Variants in BRCA1 observed in about 807,000 individuals in gnomAD.
BRCA1 encodes the protein BRCA1 DNA repair associated, also known as breast cancer type 1 susceptibility protein.
Under a neutral mutation model 173.7 loss-of-function variants are expected in BRCA1, and 140 were observed. That is an observed-to-expected ratio of 0.81 (90% confidence interval 0.70 to 0.93). BRCA1 has a LOEUF of 0.93. BRCA1 is among the 40% of genes least tolerant of loss of function. The pLI, the probability that BRCA1 is intolerant of heterozygous loss-of-function variation, is 0.00. For synonymous variants in BRCA1, 662 were observed against 756.0 expected, an observed-to-expected ratio of 0.88 and a Z score of 2.04; for missense variants, 1,983 against 2,172.5, an observed-to-expected ratio of 0.91 and a Z score of 1.73.
intron 1 of BRCA1, among the ~76,000 whole-genome samples, chr17:43,154,189 A>G (rs1261745232): frequency 6.6e-6 from 1 of 151,994 alleles, no homozygotes. Flanking sequence ...CTCTGTCTCA[A>G]TAAAAAGAAA....
rs80357877 is a variant in BRCA1, at chr17:43,092,039, ACTAGTATCTTC to A, written c.3481_3491del (p.Glu1161PhefsTer3). On this transcript the variant is annotated frameshift_variant, in exon 10 of 23. Coordinates refer to ENST00000357654, the MANE Select transcript of BRCA1 (RefSeq NM_007294.4). LOFTEE classifies it high-confidence loss of function. Reference sequence around the variant, plus strand: ...TTTCCTTAATGTCATTTTCAGCAAAACTAGTATCTTCCTTTATTTCACCATCATCTAACAGG... The same window carrying A: ...TTTCCTTAATGTCATTTTCAGCAAAACTTTATTTCACCATCATCTAACAGG... 3 of 1,614,054 alleles carry A rather than the reference ACTAGTATCTTC, an allele frequency of 1.9e-6. No homozygotes were observed. Among genetic ancestry groups the A allele is most frequent in the Non-Finnish European group, 2.5e-6 (3 of 1,180,020 alleles).
At chr17:43,109,029 T>C (rs115747310) in intron 3 of BRCA1, among the ~76,000 whole-genome samples, 229 of 152,190 alleles carry the variant, frequency 1.5e-3, no homozygotes, top group African/African-American at 5.3e-3. Context: ...AAACCCCAAC[T>C]ATATCTATAT....
intron 19 of BRCA1, among the ~76,000 whole-genome samples, chr17:43,056,839 C>A (rs1443962763): frequency 5.9e-5 from 9 of 152,196 alleles, no homozygotes; most frequent in Admixed American, 5.2e-4. Context: ...CACAGCCTCT[C>A]TAAATCTCTT....
Position 43,063,948 on chromosome 17 carries a change from G to C in BRCA1, c.5078C>G (p.Ala1693Gly), listed in dbSNP as rs1567769586. Residue 1693 changes from alanine to glycine, a missense_variant, in exon 17 of 23, where the codon GCT becomes GGT. By Grantham distance (60) the Ala-to-Gly change is moderately conservative. Transcript: ENST00000357654. ...ETTHVVMKTD[A>G]EFVCERTLKY... ...CAGTGTCCGTTCACACACAAACTCA[G>C]CATCTGCAGAATGAAAAACACTCAA... The C allele has an allele frequency of 6.2e-7, 1 of 1,613,916 alleles. No homozygotes were observed. Among genetic ancestry groups the C allele is most frequent in the Non-Finnish European group, 8.5e-7 (1 of 1,179,880 alleles).
At position 43,082,534 on chromosome 17, in the gene BRCA1, C is replaced by G. The variant is rs786201618; in HGVS notation, c.4227G>C (p.Gln1409His). 1 of 1,614,202 alleles carries G rather than the reference C, an allele frequency of 6.2e-7. No individual in the cohort carries two copies. Among genetic ancestry groups the G allele is most frequent in the East Asian group, 2.2e-5 (1 of 44,888 alleles). The change falls in exon 12 of 23, where the codon CAG becomes CAC. Residue 1409 changes from glutamine to histidine, a missense_variant. Transcript: ENST00000357654. ...TMQHNLIKLQ[Q>H]EMAELEAVLE... ...ACACAGCTTCTAGTTCAGCCATTTCCTGCTGGAGCTTTATCAGGTTATGTT... is the reference window on the plus strand; with the variant it reads ...ACACAGCTTCTAGTTCAGCCATTTCGTGCTGGAGCTTTATCAGGTTATGTT...
At chr17:43,132,946 G>C (rs1425685605) in intron 1 of BRCA1, 1 of 150,482 alleles carries the variant, frequency 6.6e-6, no homozygotes, top group Non-Finnish European at 1.5e-5. Context: ...TTTTTTCTTT[G>C]TATTTTTAGT....
rs8176217 is a variant in BRCA1 at position 43,073,750 on chromosome 17, A to G, written c.4675+581T>C. ...CAGTTGAAATAAAATATATGTGTGTATATATATATATATATATTTTTTGAG... is the reference window on the plus strand; with the variant it reads ...CAGTTGAAATAAAATATATGTGTGTGTATATATATATATATATTTTTTGAG... On this transcript the variant is annotated intron_variant, in intron 14 of 22. Coordinates refer to ENST00000357654, the MANE Select transcript of BRCA1 (RefSeq NM_007294.4). 0.029 allele frequency among the ~76,000 whole-genome samples: 4,406 copies of G among 149,792 alleles called. 217 individuals are homozygous for G. The highest frequency in any genetic ancestry group is 0.1 in the African/African-American group (4,186 of 41,010).
chr17:43,132,645 C>T (rs2055978213), intron 1 of BRCA1: 1 of 151,608 alleles, frequency 6.6e-6, no homozygotes, highest in Non-Finnish European at 1.5e-5. Flanking sequence ...GTGGCGTGAT[C>T]TTGGCTCACT....
chr17:43,051,180 A>G, intron 19 of BRCA1, 63 bp from the exon 20 acceptor site: 1 of 1,461,910 alleles, frequency 6.8e-7, no homozygotes, highest in East Asian at 2.3e-5. Flanking sequence ...TAGTTATAAA[A>G]GAATATTGGC....
At position 43,135,607 on chromosome 17, in the gene BRCA1, C is replaced by T. The variant is rs577848156; in HGVS notation, c.-19-11492G>A. Among the ~76,000 whole-genome samples the T allele has an allele frequency of 3.3e-5, 5 of 152,328 alleles. No individual in the cohort carries two copies. The East Asian group carries it at 5.8e-4, about 18-fold the overall frequency. Reference sequence around the variant, plus strand: ...CCCATGGTTCGCAGGTCGCGGTCTTCGGAGCCTTCAGCCTCGTGAGCCCGA... The same window carrying T: ...CCCATGGTTCGCAGGTCGCGGTCTTTGGAGCCTTCAGCCTCGTGAGCCCGA... On this transcript the variant is annotated intron_variant, in intron 1 of 7. Coordinates refer to the BRCA1 transcript ENST00000634433.
At chr17:43,078,620 A>T (rs1433367048) in intron 12 of BRCA1, among the ~76,000 whole-genome samples, 2 of 152,264 alleles carry the variant, frequency 1.3e-5, no homozygotes, top group Non-Finnish European at 2.9e-5. Flanking sequence ...TTGAAACAAA[A>T]GATTGTATTA....
At chr17:43,129,845 A>G (rs567081287), upstream of BRCA1, among the ~76,000 whole-genome samples, 3 of 152,172 alleles carry the variant, frequency 2.0e-5, no homozygotes, top group African/African-American at 7.2e-5. Flanking sequence ...CAGTCACTTC[A>G]TTTTCCTGAT....
intron 1 of BRCA1, chr17:43,148,329 G>A: frequency 6.1e-6 from 1 of 164,738 alleles, no homozygotes; most frequent in Non-Finnish European, 1.3e-5. Context: ...TACCTTGAGT[G>A]TTATGCGCAT....
intron 14 of BRCA1, among the ~76,000 whole-genome samples, chr17:43,073,119 G>A (rs2052529101): frequency 1.3e-5 from 2 of 151,828 alleles, no homozygotes; most frequent in African/African-American, 4.8e-5. Context: ...ATTGCATGAG[G>A]CCAGGAGTTA....
At chr17:43,100,627 ATATG>A (rs1172878159) in intron 6 of BRCA1, among the ~76,000 whole-genome samples, 1 of 13,194 alleles carries the variant, frequency 7.6e-5, no homozygotes, top group Admixed American at 1.1e-3. Flanking sequence ...TAACATATAT[ATATG>A]TTATATATAT....
intron 13 of BRCA1, among the ~76,000 whole-genome samples, chr17:43,075,747 A>C (rs1205636505): frequency 6.6e-6 from 1 of 152,112 alleles, no homozygotes; most frequent in Non-Finnish European, 1.5e-5. Context: ...GGAAAAGAAT[A>C]GTACTGGACT....
chr17:43,159,228 T>A (rs1281308847), intron 1 of BRCA1, among the ~76,000 whole-genome samples: 4 of 152,192 alleles, frequency 2.6e-5, no homozygotes, highest in Non-Finnish European at 4.4e-5. Flanking sequence ...CTCCAGCCTC[T>A]CGACAGAGAT....
chr17:43,096,281 G>A (rs935660587), intron 8 of BRCA1, among the ~76,000 whole-genome samples: 3 of 151,032 alleles, frequency 2.0e-5, no homozygotes, highest in African/African-American at 7.3e-5. Context: ...AGAGGCTGAG[G>A]CAGGAGTATG....
At chr17:43,124,697 G>A (rs2154579373) in intron 1 of BRCA1, 1 of 170,224 alleles carries the variant, frequency 5.9e-6, no homozygotes, top group Middle Eastern at 3.1e-3. Context: ...CATATTCCTG[G>A]CACCTCTTCT....
Sources: allele counts gnomAD v4.1 joint callset (sites outside exome capture counted in the v4.1 genomes callset), GRCh38; gene constraint gnomAD v4.1.1; transcripts MANE v1.5; gene names NCBI Gene and HGNC (gene_info 2026-07-23, HGNC 2026-07-21).